ABHD5: variants seen among roughly 807,000 people sequenced by gnomAD.
ABHD5 encodes the protein abhydrolase domain containing 5, lysophosphatidic acid acyltransferase.
Under a neutral mutation model 44.9 loss-of-function variants are expected in ABHD5, and 30 were observed. The observed-to-expected ratio is 0.67, with a 90% confidence interval of 0.50 to 0.91. The LOEUF is 0.91. ABHD5 is among the 40% of genes least tolerant of loss of function. The pLI, the probability that ABHD5 is intolerant of heterozygous loss-of-function variation, is 0.00. For synonymous variants in ABHD5, 167 were observed against 147.0 expected (o/e 1.14, Z -0.99); for missense variants, 399 against 423.4 (o/e 0.94, Z 0.50).
intron 3 of ABHD5, among the ~76,000 whole-genome samples, chr3:43,705,608 A>G (rs1267046003): frequency 1.3e-5 from 2 of 152,196 alleles, no homozygotes; most frequent in Non-Finnish European, 2.9e-5. Flanking sequence ...TCCCTGTTCT[A>G]ATAGACCAGA....
intron 3 of ABHD5, among the ~76,000 whole-genome samples, chr3:43,709,002 T>C (rs2084655835): frequency 6.6e-6 from 1 of 152,224 alleles, no homozygotes; most frequent in Non-Finnish European, 1.5e-5. Flanking sequence ...TGTTACCGAA[T>C]AATAAGATTA....
chr3:43,703,821 C>T (rs2084579159), intron 3 of ABHD5, among the ~76,000 whole-genome samples: 1 of 151,982 alleles, frequency 6.6e-6, no homozygotes, highest in South Asian at 2.1e-4. Flanking sequence ...AAGCAGCAGC[C>T]CTGTGTACCT....
intron 3 of ABHD5, among the ~76,000 whole-genome samples, chr3:43,709,081 T>C (rs1172116192): frequency 1.3e-5 from 2 of 152,244 alleles, no homozygotes; most frequent in Non-Finnish European, 2.9e-5. Flanking sequence ...GCTTATGCTA[T>C]GATTATACTT....
downstream of ABHD5, among the ~76,000 whole-genome samples, chr3:43,724,262 A>T (rs1430220296): frequency 1.3e-5 from 2 of 152,192 alleles, no homozygotes; most frequent in Non-Finnish European, 2.9e-5. Flanking sequence ...ACCCTTGTGA[A>T]TAACGCAGCA....
chr3:43,715,477 A>G (rs1206139845), intron 5 of ABHD5, among the ~76,000 whole-genome samples: 1 of 152,186 alleles, frequency 6.6e-6, no homozygotes, highest in African/African-American at 2.4e-5. Flanking sequence ...TTTAAAATAT[A>G]TCAGTGGTCC....
intron 5 of ABHD5, 37 bp from the exon 6 acceptor site, chr3:43,717,634 A>G (rs763194242): frequency 6.2e-6 from 10 of 1,611,664 alleles, no homozygotes; most frequent in African/African-American, 1.3e-5. Context: ...CTCATTCCCA[A>G]AAATCATACA....
chr3:43,707,417 A>G (rs956350261), intron 3 of ABHD5, among the ~76,000 whole-genome samples: 3 of 152,102 alleles, frequency 2.0e-5, no homozygotes, highest in African/African-American at 7.2e-5. Flanking sequence ...CTGTTCTAGG[A>G]AAAGCTGTTC....
At chr3:43,703,252 T>C (rs2084568107) in intron 3 of ABHD5, among the ~76,000 whole-genome samples, 1 of 151,700 alleles carries the variant, frequency 6.6e-6, no homozygotes, top group African/African-American at 2.4e-5. Flanking sequence ...TGATCTCGGC[T>C]CACTGCAGCC....
intron 1 of ABHD5, 142 bp from the exon 2 acceptor site, chr3:43,699,134 G>T: frequency 1.4e-6 from 1 of 738,760 alleles, no homozygotes; most frequent in Non-Finnish European, 2.4e-6. Context: ...CTTTGTGCAT[G>T]TTAGGTCACT....
intron 2 of ABHD5, 138 bp downstream of exon 2, chr3:43,699,499 T>A: frequency 1.1e-6 from 1 of 869,656 alleles, no homozygotes; most frequent in Non-Finnish European, 1.9e-6. Context: ...TCCTTGTCAT[T>A]AGAAAGTACA....
chr3:43,720,044 A>G lies in ABHD5; in HGVS notation c.*1512A>G, dbSNP rs2084815045. 1.3e-5 allele frequency: 2 copies of G among 152,258 alleles called. No individual in the cohort carries two copies. The highest frequency in any genetic ancestry group is 2.9e-5 in the Non-Finnish European group (2 of 68,038). The allele number at this position is 152,258 out of a possible 1,614,324, so 9.4% of individuals were successfully genotyped here. The stretch of plus-strand genomic sequence containing the variant: ...AAGAATAGACAAATTATACTGAAGC[A>G]TGATATAAACATCTTCCCAATGAAC... On this transcript the variant is annotated 3_prime_UTR_variant, in exon 7 of 7. Transcript: ENST00000644371.
chr3:43,699,415 A>G, intron 2 of ABHD5, 54 bp downstream of exon 2: 1 of 1,466,280 alleles, frequency 6.8e-7, no homozygotes, highest in Non-Finnish European at 9.5e-7. Context: ...TAGGTCCAAT[A>G]TATCTCATTG....
chr3:43,716,138 G>A (rs1419363292), intron 5 of ABHD5, among the ~76,000 whole-genome samples: 4 of 152,184 alleles, frequency 2.6e-5, no homozygotes, highest in Non-Finnish European at 5.9e-5. Flanking sequence ...CCTGAAGATA[G>A]TGGGGGGCTA....
intron 1 of ABHD5, among the ~76,000 whole-genome samples, chr3:43,693,270 C>T (rs1173022042): frequency 1.3e-5 from 2 of 152,128 alleles, no homozygotes; most frequent in East Asian, 1.9e-4. Context: ...ATTTTGCCAA[C>T]GGTTGGCAGC....
chr3:43,732,386 C>T (rs1189322606), intron 7 of ABHD5, among the ~76,000 whole-genome samples: 3 of 152,028 alleles, frequency 2.0e-5, no homozygotes, highest in African/African-American at 7.2e-5. Flanking sequence ...AACGAGATTG[C>T]ACCACTGCAC....
rs116236081 is a variant in ABHD5 at position 43,692,408 on chromosome 3, C to T, written c.47+1369C>T. On this transcript the variant is annotated intron_variant, in intron 1 of 6. Transcript: ENST00000644371. Reference sequence around the variant, plus strand: ...GTCACAACATTTTTGACTCTTGACACTACTTTCAGGTGGACTATTTGGTTT... The same window carrying T: ...GTCACAACATTTTTGACTCTTGACATTACTTTCAGGTGGACTATTTGGTTT... Among the ~76,000 whole-genome samples, 1,271 of 152,282 alleles carry T rather than the reference C, an allele frequency of 8.3e-3. 20 individuals carry two copies. Among genetic ancestry groups the T allele is most frequent in the African/African-American group, 0.029 (1,205 of 41,536 alleles).
intron 3 of ABHD5, among the ~76,000 whole-genome samples, chr3:43,703,874 T>C (rs957334034): frequency 1.3e-5 from 2 of 152,092 alleles, no homozygotes; most frequent in Non-Finnish European, 2.9e-5. Flanking sequence ...CTCTATAGAC[T>C]CTTTATCTAA....
chr3:43,729,170 A>T (rs1052868769), intron 7 of ABHD5, among the ~76,000 whole-genome samples: 1 of 152,188 alleles, frequency 6.6e-6, no homozygotes, highest in Non-Finnish European at 1.5e-5. Flanking sequence ...GGGTCAAAGG[A>T]TGCACAACAG....
chr3:43,706,481 T>C (rs2084621183), intron 3 of ABHD5, among the ~76,000 whole-genome samples: 1 of 152,044 alleles, frequency 6.6e-6, no homozygotes, highest in South Asian at 2.1e-4. Context: ...TTTTTTTTTT[T>C]CTTAGAGATG....
Sources: allele counts gnomAD v4.1 joint callset (sites outside exome capture counted in the v4.1 genomes callset), GRCh38; gene constraint gnomAD v4.1.1; transcripts MANE v1.5; gene names NCBI Gene and HGNC (gene_info 2026-07-23, HGNC 2026-07-21).